The following SYNJ2 variants were observed in gnomAD, a reference collection of about 807,000 sequenced individuals.
SYNJ2 encodes the protein polyphosphatidylinositol phosphatase SYNJ2.
A neutral mutation model predicts 141.3 loss-of-function variants in SYNJ2; 116 were observed. That is an observed-to-expected ratio of 0.82 (90% confidence interval 0.71 to 0.96). The LOEUF is 0.96. SYNJ2 is among the 40% of genes least tolerant of loss of function. The pLI, the probability that SYNJ2 is intolerant of heterozygous loss-of-function variation, is 0.00. For missense variants in SYNJ2, 1,873 were observed against 1,934.8 expected (o/e 0.97, Z 0.60); for synonymous variants, 745 against 777.7 (o/e 0.96, Z 0.70).
intron 7 of SYNJ2, among the ~76,000 whole-genome samples, chr6:158,060,531 C>T (rs1781156382): frequency 6.6e-6 from 1 of 152,194 alleles, no homozygotes; most frequent in Non-Finnish European, 1.5e-5. Flanking sequence ...TGAGCCTTTC[C>T]CTCTGCTTAG....
intron 9 of SYNJ2, 111 bp downstream of exon 9, chr6:158,063,983 C>T: frequency 2.7e-6 from 3 of 1,117,742 alleles, no homozygotes; most frequent in Non-Finnish European, 3.9e-6. Flanking sequence ...ATCACCAAGA[C>T]AACCTTCTGA....
At chr6:158,088,872 C>G in intron 24 of SYNJ2, 100 bp downstream of exon 24, 1 of 821,706 alleles carries the variant, frequency 1.2e-6, no homozygotes, top group Non-Finnish European at 2.0e-6. Flanking sequence ...TGTCTTTAAC[C>G]CTCTACCTGC....
At chr6:158,011,427 G>A (rs1195641729) in intron 1 of SYNJ2, among the ~76,000 whole-genome samples, 1 of 152,180 alleles carries the variant, frequency 6.6e-6, no homozygotes, top group Non-Finnish European at 1.5e-5. Context: ...TGATGTTCCT[G>A]TCCACCATGG....
In SYNJ2 at chr6:158,066,545, A is replaced by G; in HGVS notation, c.1627A>G (p.Lys543Glu). Residue 543 changes from lysine (K) to glutamate (E), a missense_variant, in exon 12 of 27, where the codon AAG becomes GAG. Physicochemically the swap from Lys to Glu is moderately conservative, Grantham distance 56 (BLOSUM62 1). Coordinates refer to ENST00000355585, the MANE Select transcript of SYNJ2 (RefSeq NM_003898.4). ...AMGTWNVNGG[K>E]QFRSNVLRTA... ...GGGGACCTGGAACGTGAACGGAGGA[A>G]AGCAGTTCCGGAGCAACGTGCTCAG... 6.2e-7 allele frequency: 1 copy of G among 1,614,192 alleles called. No individual in the cohort carries two copies. The highest frequency in any genetic ancestry group is 8.5e-7 in the Non-Finnish European group (1 of 1,180,042).
Position 158,033,436 on chromosome 6 carries a change from G to A in SYNJ2, c.486-19G>A. The A allele has an allele frequency of 5.6e-6, 9 of 1,611,828 alleles. No individual in the cohort carries two copies. The highest frequency in any genetic ancestry group is 7.6e-6 in the Non-Finnish European group (9 of 1,178,330). ...AGGATGTCAAGTGACTGGAATTGGTGTGGGACTGTGTTTTGCAGGAACCAG... is the reference window on the plus strand; with the variant it reads ...AGGATGTCAAGTGACTGGAATTGGTATGGGACTGTGTTTTGCAGGAACCAG... On this transcript the variant is annotated intron_variant, in intron 3 of 26. Transcript: ENST00000355585.
chr6:158,044,029 CA>C (rs1364994367), intron 5 of SYNJ2, among the ~76,000 whole-genome samples: 1 of 152,220 alleles, frequency 6.6e-6, no homozygotes, highest in African/African-American at 2.4e-5. Context: ...GGGTCTCTAA[CA>C]AGGTGGGTTA....
rs146694394 is a variant in SYNJ2, at chr6:158,071,628, C to T, written c.1967C>T (p.Thr656Met). The change falls in exon 15 of 27, where the codon ACG (threonine) becomes ATG (methionine). Residue 656 changes from threonine to methionine, a missense_variant. Transcript: ENST00000355585. This position sits in a 1 kb window ranked among gnomAD's most constrained non-coding sequence, Gnocchi z 4.3. ...IRDVAIDTVK[T>M]GMGGKAGNKG... is the part of the protein sequence containing the mutation. ...GACGTAGCCATCGACACAGTGAAGACGGGCATGGGGGGCAAGGCGGGGAAC... is the reference window on the plus strand; with the variant it reads ...GACGTAGCCATCGACACAGTGAAGATGGGCATGGGGGGCAAGGCGGGGAAC... 7,598 of 1,613,962 alleles carry T rather than the reference C, an allele frequency of 4.7e-3. 29 individuals are homozygous for T. The highest frequency in any genetic ancestry group is 5.7e-3 in the Non-Finnish European group (6,770 of 1,179,982).
chr6:158,066,479 C>A lies in SYNJ2; in HGVS notation c.1561C>A (p.Gln521Lys). 6.2e-7 allele frequency: 1 copy of A among 1,614,160 alleles called. No individual in the cohort carries two copies. The highest frequency in any genetic ancestry group is 1.1e-5 in the South Asian group (1 of 91,070). Reference sequence around the variant, plus strand: ...GATCCTGAAAGCTATGACTGAGCGTCAGTCCGAATTCACAAATTTCAAGCG... The same window carrying A: ...GATCCTGAAAGCTATGACTGAGCGTAAGTCCGAATTCACAAATTTCAAGCG... ...PRILKAMTER[Q>K]SEFTNFKRIR... Residue 521 changes from glutamine (Q) to lysine (K), a missense_variant, in exon 12 of 27, where the codon CAG becomes AAG. Transcript: ENST00000355585.
chr6:157,981,838 C>A, upstream of SYNJ2: 1 of 890,030 alleles, frequency 1.1e-6, no homozygotes, highest in African/African-American at 1.7e-5. The surrounding 1 kb of genome is among the most constrained non-coding windows in gnomAD (Gnocchi z 6.4). Context: ...AGGAGCCTGG[C>A]GCGGCGGGAG....
chr6:158,070,873 C>T lies in SYNJ2; in HGVS notation c.1941-729C>T, dbSNP rs575382100. 2.0e-5 allele frequency among the ~76,000 whole-genome samples: 3 copies of T among 152,290 alleles called. No homozygotes were observed. The highest frequency in any genetic ancestry group is 4.8e-5 in the African/African-American group (2 of 41,568). Reference sequence around the variant, plus strand: ...ACCCAGCCCAGCATAAACAGCTGCCCGTTTCCTAGCTCTTAAAGTGCATTG... The same window carrying T: ...ACCCAGCCCAGCATAAACAGCTGCCTGTTTCCTAGCTCTTAAAGTGCATTG... On this transcript the variant is annotated intron_variant, in intron 14 of 26. Coordinates refer to ENST00000355585, the MANE Select transcript of SYNJ2 (RefSeq NM_003898.4). This position sits in a 1 kb window ranked among gnomAD's most constrained non-coding sequence, Gnocchi z 4.0.
chr6:158,087,813 G>A lies in SYNJ2; in HGVS notation c.3343+824G>A, dbSNP rs74443840. Among the ~76,000 whole-genome samples the A allele has an allele frequency of 7.4e-4, 112 of 150,878 alleles. 1 individual carries two copies. The East Asian group carries it at 0.016, about 22-fold the overall frequency. Reference sequence around the variant, plus strand: ...TTTTAAAATTCACTTGATGACCTACGGGTCGTAGTTGTTGAAAAAAGTCTT... The same window carrying A: ...TTTTAAAATTCACTTGATGACCTACAGGTCGTAGTTGTTGAAAAAAGTCTT... On this transcript the variant is annotated intron_variant, in intron 23 of 26. Transcript: ENST00000355585.
intron 5 of SYNJ2, among the ~76,000 whole-genome samples, chr6:158,044,851 G>A (rs1345607375): frequency 6.6e-6 from 1 of 152,068 alleles, no homozygotes; most frequent in Admixed American, 6.6e-5. Context: ...AAGAGTTTTT[G>A]AAACCTGATT....
intron 18 of SYNJ2, among the ~76,000 whole-genome samples, chr6:158,080,519 T>C (rs2885911): frequency 0.53 from 77,518 of 146,534 alleles, 20,984 homozygotes; most frequent in African/African-American, 0.62. Context: ...TTTTTTTTTT[T>C]CCCTCCCATC....
intron 5 of SYNJ2, among the ~76,000 whole-genome samples, chr6:158,051,922 C>T (rs1358848916): frequency 6.6e-6 from 1 of 151,392 alleles, no homozygotes; most frequent in Non-Finnish European, 1.5e-5. Flanking sequence ...CACCTCTGCA[C>T]TCCAGCCTGG....
intron 1 of SYNJ2, among the ~76,000 whole-genome samples, chr6:157,986,876 A>C (rs1465959171): frequency 1.3e-5 from 2 of 150,936 alleles, no homozygotes; most frequent in East Asian, 3.9e-4. Flanking sequence ...GAATCTCCTA[A>C]AATTTAGTTT....
chr6:158,017,074 G>A, intron 1 of SYNJ2, 130 bp from the exon 2 acceptor site: 1 of 1,392,638 alleles, frequency 7.2e-7, no homozygotes, highest in Non-Finnish European at 9.3e-7. Flanking sequence ...TGGTGTTTGT[G>A]GGCCGAGCTA....
At chr6:158,094,190 G>T in intron 26 of SYNJ2, 1 of 537,006 alleles carries the variant, frequency 1.9e-6, no homozygotes, top group Non-Finnish European at 3.3e-6. Context: ...CCTTGTCCAT[G>T]CTTCCTTACA....
chr6:158,095,814 G>C lies in SYNJ2; in HGVS notation c.3941G>C (p.Gly1314Ala), dbSNP rs1783763432. The change falls in exon 27 of 27, where the codon GGG (glycine) becomes GCG (alanine). Residue 1314 changes from glycine to alanine, a missense_variant. Gly to Ala is a moderately conservative substitution (Grantham distance 60). Transcript: ENST00000355585. ...RKPASDEAPP[G>A]AGASVPPPLE... ...CCAGCATCAGACGAAGCCCCTCCTGGGGCAGGAGCCTCTGTGCCACCACCT... is the reference window on the plus strand; with the variant it reads ...CCAGCATCAGACGAAGCCCCTCCTGCGGCAGGAGCCTCTGTGCCACCACCT... 1.2e-6 allele frequency: 2 copies of C among 1,614,020 alleles called. No individual in the cohort carries two copies. The highest frequency in any genetic ancestry group is 2.2e-5 in the South Asian group (2 of 91,090).
intron 6 of SYNJ2, among the ~76,000 whole-genome samples, chr6:158,055,296 A>G (rs1334404456): frequency 1.3e-5 from 2 of 152,220 alleles, no homozygotes; most frequent in East Asian, 3.8e-4. Context: ...ATGAGGCTTC[A>G]TCTCTATGCC....
Sources: allele counts gnomAD v4.1 joint callset (sites outside exome capture counted in the v4.1 genomes callset), GRCh38; gene constraint gnomAD v4.1.1; non-coding constraint Gnocchi (gnomAD v3.1); transcripts MANE v1.5; gene names NCBI Gene and HGNC (gene_info 2026-07-23, HGNC 2026-07-21).